The following TTC3 variants were observed in gnomAD, a reference collection of about 807,000 sequenced individuals.
The protein encoded by TTC3 is E3 ubiquitin-protein ligase TTC3.
TTC3 carries 180 observed loss-of-function variants against 249.6 expected under a neutral mutation model. The observed-to-expected ratio is 0.72, with a 90% confidence interval of 0.64 to 0.82. The LOEUF (loss-of-function observed/expected upper bound fraction) is 0.82. Ranked by LOEUF, TTC3 falls within the 40% of genes least tolerant of loss-of-function variation. TTC3 has a pLI of 0.00. For missense variants in TTC3, 2,061 were observed against 2,398.4 expected, an observed-to-expected ratio of 0.86 and a Z score of 2.94; for synonymous variants, 717 against 805.0, an observed-to-expected ratio of 0.89 and a Z score of 1.85.
chr21:37,158,241 C>A, intron 28 of TTC3: 1 of 979,970 alleles, frequency 1.0e-6, no homozygotes, highest in Non-Finnish European at 1.2e-6. Context: ...CTTACAAAAC[C>A]TGATGCATGT....
At chr21:37,197,116 A>G (rs1485787983) in intron 42 of TTC3, among the ~76,000 whole-genome samples, 1 of 152,218 alleles carries the variant, frequency 6.6e-6, no homozygotes, top group African/African-American at 2.4e-5. Flanking sequence ...AGTTTCTGAG[A>G]CAGTGTTAAT....
rs1048625740 is a variant in TTC3 at position 37,143,245 on chromosome 21, T to C, written c.1773-1280T>C. Reference sequence around the variant, plus strand: ...GGCAACAAAAGCCAAAATTGACAAATGGGATCTAATTAAACTAAAGAGCTT... The same window carrying C: ...GGCAACAAAAGCCAAAATTGACAAACGGGATCTAATTAAACTAAAGAGCTT... On this transcript the variant is annotated intron_variant, in intron 20 of 45. Transcript: ENST00000355666. Among the ~76,000 whole-genome samples, 89 of 152,048 alleles carry C rather than the reference T, an allele frequency of 5.9e-4. No individual in the cohort carries two copies. The Middle Eastern group carries it at 0.01, about 17-fold the overall frequency.
chr21:37,195,776 T>A (rs771011174), exon 42 of TTC3: 70 of 1,614,082 alleles, frequency 4.3e-5, no homozygotes, highest in Middle Eastern at 1.6e-4. Context: ...TTCACAGGGA[T>A]CCTAGTGTGT....
chr21:37,182,978 T>C, intron 36 of TTC3, 65 bp downstream of exon 36: 1 of 1,334,446 alleles, frequency 7.5e-7, no homozygotes, highest in Non-Finnish European at 1.0e-6. Context: ...TTGGTTATTT[T>C]CACATTTTTG....
intron 18 of TTC3, among the ~76,000 whole-genome samples, chr21:37,138,152 C>T (rs1273970653): frequency 6.6e-6 from 1 of 152,132 alleles, no homozygotes; most frequent in African/African-American, 2.4e-5. Context: ...CGTAATGCTA[C>T]TACACACTTA....
intron 20 of TTC3, 44 bp downstream of exon 20, chr21:37,140,717 A>C: frequency 2.2e-6 from 3 of 1,335,934 alleles, no homozygotes; most frequent in Non-Finnish European, 3.1e-6. Flanking sequence ...CTGGTAACTC[A>C]TTTAAAATCC....
chr21:37,150,898 C>A lies in TTC3; in HGVS notation c.2276+14C>A. ...GAAATGTTCTAGGTAAGATTTTTAA[C>A]AATCAATCAGTGGTTTGATGATGTC... is the stretch of plus-strand genomic sequence containing the variant. On this transcript the variant is annotated intron_variant, in intron 25 of 45. Transcript: ENST00000355666. The A allele has an allele frequency of 1.9e-6, 3 of 1,570,206 alleles. No homozygotes were observed. In the South Asian group the frequency reaches 3.4e-5, roughly 18 times the overall value.
Position 37,122,419 on chromosome 21 carries a change from A to AT in TTC3, c.1063+440_1063+441insT, listed in dbSNP as rs1555879495. Among the ~76,000 whole-genome samples, 180 of 38,034 alleles carry AT rather than the reference A, an allele frequency of 4.7e-3. 4 individuals carry two copies. Among genetic ancestry groups the AT allele is most frequent in the African/African-American group, 0.012 (174 of 14,306 alleles). The allele number at this position is 38,034 out of a possible 152,430, so 25.0% of individuals were successfully genotyped here. On this transcript the variant is annotated intron_variant, in intron 12 of 45. Transcript: ENST00000355666. ...CAGCGTGCTGAATATATATATATAT[A>AT]ATATATATATATATATATTATATAT...
At chr21:37,160,344 A>G (rs1414358362) in intron 29 of TTC3, among the ~76,000 whole-genome samples, 1 of 152,188 alleles carries the variant, frequency 6.6e-6, no homozygotes, top group Non-Finnish European at 1.5e-5. Flanking sequence ...TGCTCCATCA[A>G]ATATTGCCCA....
intron 11 of TTC3, 36 bp downstream of exon 11, chr21:37,108,482 T>G (rs371142114): frequency 6.3e-7 from 1 of 1,579,244 alleles, no homozygotes; most frequent in Non-Finnish European, 8.6e-7. Context: ...GAGCAAATAA[T>G]GCCATACAAC....
chr21:37,198,567 C>T (rs2085164836), intron 44 of TTC3, among the ~76,000 whole-genome samples: 1 of 152,116 alleles, frequency 6.6e-6, no homozygotes, highest in Admixed American at 6.5e-5. Flanking sequence ...GAAACTTCAC[C>T]AGATTGTATG....
intron 28 of TTC3, chr21:37,157,277 A>T (rs2080194131): frequency 2.1e-6 from 2 of 971,852 alleles, no homozygotes; most frequent in South Asian, 2.7e-5. Context: ...TGATGTTTGC[A>T]GAATCTAGAA....
intron 6 of TTC3, chr21:37,090,488 G>C (rs1601322541): frequency 1.8e-6 from 1 of 562,380 alleles, no homozygotes; most frequent in African/African-American, 2.1e-5. Context: ...TTTTACCCAT[G>C]TACATAGTGT....
exon 21 of TTC3, chr21:37,144,602 C>G (rs776142427): frequency 6.2e-7 from 1 of 1,611,372 alleles, no homozygotes; most frequent in Non-Finnish European, 8.5e-7. Flanking sequence ...ACTTGGCCCA[C>G]GAGTAATGTG....
chr21:37,197,965 GGTT>G (rs766535385), exon 44 of TTC3: 33 of 1,613,900 alleles, frequency 2.0e-5, no homozygotes, highest in Admixed American at 3.3e-5. Flanking sequence ...CACCCTCGGT[GGTT>G]GTTGCACCAT....
At chr21:37,167,124 C>G (rs2081317911) in intron 33 of TTC3, among the ~76,000 whole-genome samples, 1 of 152,144 alleles carries the variant, frequency 6.6e-6, no homozygotes, top group South Asian at 2.1e-4. Context: ...AGACTCTGAC[C>G]TACACAGGCC....
At chr21:37,081,660 T>C (rs2071681455) in intron 1 of TTC3, 1 of 152,118 alleles carries the variant, frequency 6.6e-6, no homozygotes, top group African/African-American at 2.4e-5. Context: ...ACTGGATATA[T>C]ATATACACTA....
intron 1 of TTC3, chr21:37,082,478 T>C (rs2071829109): frequency 2.0e-6 from 2 of 985,298 alleles, no homozygotes; most frequent in Non-Finnish European, 2.4e-6. Context: ...AAAGCATTTC[T>C]ATCAGCTTTG....
At chr21:37,179,863 G>A (rs986754132) in intron 35 of TTC3, among the ~76,000 whole-genome samples, 3 of 152,152 alleles carry the variant, frequency 2.0e-5, no homozygotes, top group Admixed American at 2.0e-4. Context: ...TAGGAGCTTT[G>A]CAAATGTTTA....
Sources: allele counts gnomAD v4.1 joint callset (sites outside exome capture counted in the v4.1 genomes callset), GRCh38; gene constraint gnomAD v4.1.1; transcripts MANE v1.5; gene names NCBI Gene and HGNC (gene_info 2026-07-23, HGNC 2026-07-21).